Variants in STAM2 observed in about 807,000 individuals in gnomAD.
STAM2 encodes signal transducing adapter molecule 2.
Under a neutral mutation model 65.6 loss-of-function variants are expected in STAM2, and 51 were observed. The ratio of observed to expected loss-of-function variants is 0.78; its 90% CI spans 0.62 to 0.98. The LOEUF (loss-of-function observed/expected upper bound fraction) is 0.98, where lower values mean the gene tolerates loss of function less well. Among genes scored for constraint, STAM2 ranks in the 50% least tolerant of loss-of-function variants. The pLI is 0.00. For missense variants in STAM2, 584 were observed against 617.8 expected (o/e 0.95, Z 0.58); for synonymous variants, 198 against 208.4 (o/e 0.95, Z 0.43).
chr2:152,148,196 C>T lies in STAM2; in HGVS notation c.201+29G>A, dbSNP rs771716795. ...TAATTAAAAACACATTTAAAATTTGCGTCAAATAATAACATGCCTTGTACT... is the reference window on the plus strand; with the variant it reads ...TAATTAAAAACACATTTAAAATTTGTGTCAAATAATAACATGCCTTGTACT... On this transcript the variant is annotated intron_variant, in intron 3 of 13. Transcript: ENST00000263904. The T allele has an allele frequency of 2.9e-5, 47 of 1,595,656 alleles. 1 individual carries two copies. Among genetic ancestry groups the T allele is most frequent in the Middle Eastern group, 3.3e-4 (2 of 5,994 alleles).
intron 1 of STAM2, among the ~76,000 whole-genome samples, chr2:152,164,097 C>T (rs1445078613): frequency 6.6e-6 from 1 of 152,108 alleles, no homozygotes; most frequent in South Asian, 2.1e-4. Flanking sequence ...GCTGATTTTG[C>T]AGCTCTGGTG....
chr2:152,173,709 T>A (rs1689950699), intron 1 of STAM2, among the ~76,000 whole-genome samples: 1 of 152,184 alleles, frequency 6.6e-6, no homozygotes, highest in East Asian at 1.9e-4. Flanking sequence ...TGCTTTGTAT[T>A]AACGATTTGA....
chr2:152,141,391 G>A (rs947347618), intron 7 of STAM2, among the ~76,000 whole-genome samples: 1 of 151,248 alleles, frequency 6.6e-6, no homozygotes, highest in Non-Finnish European at 1.5e-5. Context: ...AAAATTAGCT[G>A]GGCATGGTGG....
chr2:152,129,605 T>C (rs760880554), intron 11 of STAM2, among the ~76,000 whole-genome samples: 8 of 152,218 alleles, frequency 5.3e-5, no homozygotes, highest in South Asian at 2.1e-4. Flanking sequence ...ATTTCCATTG[T>C]AGAATGTGTG....
At chr2:152,142,170 A>C (rs1335370742) in intron 7 of STAM2, among the ~76,000 whole-genome samples, 2 of 152,358 alleles carry the variant, frequency 1.3e-5, no homozygotes, top group East Asian at 3.9e-4. Context: ...TATCGTCAAA[A>C]TGACAGCAAT....
intron 7 of STAM2, 135 bp downstream of exon 7, chr2:152,143,690 CTT>C: frequency 1.8e-6 from 1 of 570,816 alleles, no homozygotes; most frequent in Non-Finnish European, 2.8e-6. Flanking sequence ...ACATGCCTAA[CTT>C]TTATTTTAGA....
At chr2:152,149,525 T>C (rs10187630) in intron 2 of STAM2, among the ~76,000 whole-genome samples, 34,108 of 145,726 alleles carry the variant, frequency 0.23, 4,055 homozygotes, top group Admixed American at 0.32. Context: ...TGAGACAGAG[T>C]CTCGCTCTAC....
intron 7 of STAM2, among the ~76,000 whole-genome samples, chr2:152,141,245 T>C (rs1397196402): frequency 6.7e-6 from 1 of 148,672 alleles, no homozygotes; most frequent in Admixed American, 6.7e-5. Context: ...ATAAAAAATG[T>C]GCGCCTTTGG....
intron 7 of STAM2, among the ~76,000 whole-genome samples, chr2:152,137,312 A>G (rs571586641): frequency 2.0e-4 from 31 of 152,336 alleles, no homozygotes; most frequent in Middle Eastern, 6.8e-3. Context: ...AATTTTCCCA[A>G]CTAACACTTG....
At chr2:152,168,733 T>C (rs1263439429) in intron 1 of STAM2, among the ~76,000 whole-genome samples, 1 of 152,226 alleles carries the variant, frequency 6.6e-6, no homozygotes, top group Admixed American at 6.5e-5. Context: ...CTACAAGAAA[T>C]TCCCTTGTAT....
chr2:152,130,164 G>A (rs1307705858), intron 11 of STAM2, among the ~76,000 whole-genome samples: 1 of 152,170 alleles, frequency 6.6e-6, no homozygotes, highest in Non-Finnish European at 1.5e-5. Context: ...TTCAGATAGA[G>A]AGCTGAGAAA....
intron 11 of STAM2, among the ~76,000 whole-genome samples, chr2:152,126,904 T>C (rs1688973146): frequency 6.6e-6 from 1 of 152,200 alleles, no homozygotes; most frequent in South Asian, 2.1e-4. Context: ...CACCCTAGCC[T>C]CTGATTGGTT....
intron 1 of STAM2, among the ~76,000 whole-genome samples, chr2:152,157,590 C>T (rs1689577246): frequency 6.6e-6 from 1 of 152,212 alleles, no homozygotes; most frequent in African/African-American, 2.4e-5. Flanking sequence ...GACAGCACCT[C>T]TGCTGGCACT....
rs1429017624 is a variant in STAM2, at chr2:152,165,506, G to A, written c.40+10097C>T. Among the ~76,000 whole-genome samples the A allele has an allele frequency of 6.6e-5, 10 of 152,142 alleles. No individual in the cohort carries two copies. The East Asian group carries it at 1.9e-3, about 29-fold the overall frequency. Reference sequence around the variant, plus strand: ...TAGAGAATCAAAAGCAAACAGGCCAGGCAGATGATTACATTACCTCTGCAG... The same window carrying A: ...TAGAGAATCAAAAGCAAACAGGCCAAGCAGATGATTACATTACCTCTGCAG... On this transcript the variant is annotated intron_variant, in intron 1 of 13. Transcript: ENST00000263904.
At chr2:152,123,004 A>G (rs2105526753) in intron 13 of STAM2, among the ~76,000 whole-genome samples, 1 of 151,970 alleles carries the variant, frequency 6.6e-6, no homozygotes, top group Middle Eastern at 3.4e-3. Context: ...CCGGGAGGTC[A>G]AGACTGTAGT....
chr2:152,133,006 T>C (rs903417059), intron 10 of STAM2, among the ~76,000 whole-genome samples, 167 bp downstream of exon 10: 9 of 152,112 alleles, frequency 5.9e-5, no homozygotes, highest in African/African-American at 1.9e-4. Flanking sequence ...TGCAGGTTTA[T>C]GACAATGCCT....
chr2:152,150,370 T>G, intron 1 of STAM2, 141 bp from the exon 2 acceptor site: 2 of 522,448 alleles, frequency 3.8e-6, no homozygotes, highest in Non-Finnish European at 6.8e-6. Context: ...ACAAAAGTAC[T>G]TCTACTAACT....
chr2:152,129,309 G>A (rs1057447832), intron 11 of STAM2, among the ~76,000 whole-genome samples: 1 of 152,034 alleles, frequency 6.6e-6, no homozygotes, highest in African/African-American at 2.4e-5. Flanking sequence ...ACCAAGCCCA[G>A]CTAATCATTA....
chr2:152,163,323 T>C (rs1689719070), intron 1 of STAM2, among the ~76,000 whole-genome samples: 1 of 152,254 alleles, frequency 6.6e-6, no homozygotes, highest in Non-Finnish European at 1.5e-5. Context: ...GAAGATTTCA[T>C]GGACATTTAT....
Sources: allele counts gnomAD v4.1 joint callset (sites outside exome capture counted in the v4.1 genomes callset), GRCh38; gene constraint gnomAD v4.1.1; transcripts MANE v1.5; gene names NCBI Gene and HGNC (gene_info 2026-07-23, HGNC 2026-07-21).